Variants in SNX12 observed in about 807,000 individuals in gnomAD.
SNX12 encodes sorting nexin 12.
For synonymous variants in SNX12, 47 were observed against 56.0 expected (o/e 0.84, Z 0.71); for missense variants, 62 against 141.3 (o/e 0.44, Z 2.84).
At chrX:71,068,080 T>G in intron 1 of SNX12, 62 bp downstream of exon 1, 92 of 626,682 alleles carry the variant, frequency 1.5e-4, no homozygotes, top group Non-Finnish European at 1.8e-4. Flanking sequence ...GTAGCCTCCC[T>G]CCCCCCTCCC....
intron 1 of SNX12, 91 bp downstream of exon 1, chrX:71,068,051 G>A (rs1365788889): frequency 3.8e-6 from 3 of 788,997 alleles, no homozygotes; most frequent in Non-Finnish European, 5.2e-6. Flanking sequence ...CGTCTTCCCC[G>A]CCGTTAGTTG....
At chrX:71,070,995 T>C (rs1204921850), upstream of SNX12, among the ~76,000 whole-genome samples, 1 of 111,304 alleles carries the variant, frequency 9.0e-6, no homozygotes, top group African/African-American at 3.3e-5. Flanking sequence ...TCCAATAATT[T>C]ATCCTCAGAA....
chrX:71,071,525 AT>A (rs1387380535), upstream of SNX12, among the ~76,000 whole-genome samples: 45 of 44,160 alleles, frequency 1.0e-3, no homozygotes, highest in Non-Finnish European at 1.6e-3. Context: ...ATTTATATAT[AT>A]ATTTATATTT....
At chrX:71,071,594 T>A (rs866935928), upstream of SNX12, among the ~76,000 whole-genome samples, 2 of 55,446 alleles carry the variant, frequency 3.6e-5, no homozygotes, top group African/African-American at 2.1e-4. Context: ...ATATATAATA[T>A]TTATATATAT....
Position 71,060,884 on chromosome X carries a change from G to A in SNX12, c.*132C>T. The A allele has an allele frequency of 2.2e-6, 1 of 452,841 alleles. No individual in the cohort carries two copies. The highest frequency in any genetic ancestry group is 3.9e-6 in the Non-Finnish European group (1 of 253,690). The allele number at this position is 452,841 out of a possible 1,213,427, so 37.3% of individuals were successfully genotyped here. A position where few individuals can be genotyped will look rare whatever the true frequency, so the allele number is the denominator to read the frequency against. ...CCACATGGTGTAGTCAGGTACCAGG[G>A]AGCACAATGCCAGACAGTCTATCAG... On this transcript the variant is annotated 3_prime_UTR_variant, in exon 4 of 4. Coordinates refer to ENST00000374274, the MANE Select transcript of SNX12 (RefSeq NM_013346.4).
At chrX:71,072,906 T>TACACACACACACAC (rs59544159), upstream of SNX12, among the ~76,000 whole-genome samples, 5 of 101,444 alleles carry the variant, frequency 4.9e-5, no homozygotes, top group African/African-American at 1.8e-4. Flanking sequence ...CTGGCTTCCA[T>TACACACACACACAC]ACACACACAC....
chrX:71,063,978 T>C (rs1235462534), intron 1 of SNX12, among the ~76,000 whole-genome samples: 2 of 111,383 alleles, frequency 1.8e-5, no homozygotes, highest in Admixed American at 9.6e-5. Context: ...ATATATAGCT[T>C]GCCTCTATTT....
upstream of SNX12, among the ~76,000 whole-genome samples, chrX:71,068,791 C>G (rs2092164803): frequency 8.9e-6 from 1 of 112,121 alleles, no homozygotes; most frequent in African/African-American, 3.2e-5. Flanking sequence ...GGGTGGGGTT[C>G]CAACAATAGT....
At chrX:71,061,491 G>C (rs1238727511) in intron 3 of SNX12, among the ~76,000 whole-genome samples, 1 of 112,214 alleles carries the variant, frequency 8.9e-6, no homozygotes, top group African/African-American at 3.2e-5. Flanking sequence ...CCAACACTTT[G>C]GGAGGCCAAG....
rs1344468611 is a variant in SNX12, at chrX:71,068,172, C to A, written c.135G>T (p.Ala45=). 5 of 1,208,389 alleles carry A rather than the reference C, an allele frequency of 4.1e-6. No individual in the cohort carries two copies. The highest frequency in any genetic ancestry group is 5.6e-6 in the Non-Finnish European group (5 of 894,248). Residue 45 remains alanine (A), a synonymous_variant, in exon 1 of 4, where the codon GCG becomes GCT. Coordinates refer to ENST00000374274, the MANE Select transcript of SNX12 (RefSeq NM_013346.4). ...TGCGAACCTCATAGGTGGTGAAGCG[C>A]GCGCGTCCCACGCCCACCGTCTGAG... ...FNPQTVGVGR[A]RFTTYEVRMR...
chrX:71,066,376 G>A (rs904941359), intron 1 of SNX12, among the ~76,000 whole-genome samples: 5 of 110,975 alleles, frequency 4.5e-5, no homozygotes, highest in East Asian at 2.8e-4. Flanking sequence ...GATCACTTGC[G>A]GTCAGCAGTT....
In SNX12 at chrX:71,060,945, A is replaced by T; in HGVS notation, c.*71T>A. 1.2e-6 allele frequency: 1 copy of T among 829,221 alleles called. No homozygotes were observed. Among genetic ancestry groups the T allele is most frequent in the Non-Finnish European group, 1.8e-6 (1 of 563,623 alleles). The allele number at this position is 829,221 out of a possible 1,213,427, so 68.3% of individuals were successfully genotyped here. On this transcript the variant is annotated 3_prime_UTR_variant, in exon 4 of 4. Transcript: ENST00000374274. ...GGGCAGCCAACTTCAGATCAAAGAC[A>T]GAGAGAGGCTTAGTGTAAAAACCAA... is the stretch of plus-strand genomic sequence containing the variant.
At chrX:71,062,368 CTTTTTT>C (rs761195647) in intron 2 of SNX12, among the ~76,000 whole-genome samples, 217 of 71,368 alleles carry the variant, frequency 3.0e-3, no homozygotes, top group African/African-American at 0.013. Flanking sequence ...TTACCACTTT[CTTTTTT>C]TTTTTTTTTT....
intron 1 of SNX12, among the ~76,000 whole-genome samples, chrX:71,063,254 T>C (rs1005661041): frequency 4.5e-5 from 5 of 111,586 alleles, no homozygotes; most frequent in Admixed American, 9.6e-5. Flanking sequence ...CCCAGCACTT[T>C]TGGAGGCCAA....
At position 71,062,909 on chromosome X, in the gene SNX12, C is replaced by T. The variant is rs2147695624; in HGVS notation, c.206G>A (p.Arg69Gln). ...PIFKLKESCV[R>Q]RRYSDFEWLK... ...CCACTCAAAGTCACTGTAGCGCCGC[C>T]GTACGCAGGACTCCTTTAGCTTGAA... The change falls in exon 2 of 4, where the codon CGG (arginine) becomes CAG (glutamine). Residue 69 changes from arginine (R) to glutamine (Q), a missense_variant. Transcript: ENST00000374274. 8.3e-7 allele frequency: 1 copy of T among 1,207,549 alleles called. No homozygotes were observed. Among genetic ancestry groups the T allele is most frequent in the South Asian group, 1.8e-5 (1 of 56,809 alleles).
chrX:71,062,368 CT>C lies in SNX12; in HGVS notation c.262-402del, dbSNP rs761195647. On this transcript the variant is annotated intron_variant, in intron 2 of 3. Transcript: ENST00000374274. ...AAACTTGTCCTGAACTTACCACTTT[CT>C]TTTTTTTTTTTTTTTTTTTTTGAGA... is the stretch of plus-strand genomic sequence containing the variant. Among the ~76,000 whole-genome samples, 57 of 71,361 alleles carry C rather than the reference CT, an allele frequency of 8.0e-4. 1 individual carries two copies. Among genetic ancestry groups the C allele is most frequent in the East Asian group, 2.1e-3 (5 of 2,384 alleles). 62.0% of individuals were successfully genotyped at this position (71,361 alleles called of 115,157 possible). A position where few individuals can be genotyped will look rare whatever the true frequency, so the allele number is the denominator to read the frequency against.
At chrX:71,068,379 C>A (rs2092162989), upstream of SNX12, 1 of 927,148 alleles carries the variant, frequency 1.1e-6, no homozygotes. Context: ...CGCGCACGGC[C>A]CCTCCCGCTT....
chrX:71,072,204 T>G (rs1024972825), upstream of SNX12, among the ~76,000 whole-genome samples: 2 of 104,239 alleles, frequency 1.9e-5, no homozygotes, highest in African/African-American at 7.1e-5. Flanking sequence ...GTTGCAGTGA[T>G]CCGAGATCGA....
chrX:71,071,604 T>TTA (rs750118328), upstream of SNX12, among the ~76,000 whole-genome samples: 125 of 32,061 alleles, frequency 3.9e-3, 1 homozygote, highest in African/African-American at 0.02. Flanking sequence ...TTTATATATA[T>TTA]TATATATAAA....
Sources: allele counts gnomAD v4.1 joint callset (sites outside exome capture counted in the v4.1 genomes callset), GRCh38; gene constraint gnomAD v4.1.1; transcripts MANE v1.5; gene names NCBI Gene and HGNC (gene_info 2026-07-23, HGNC 2026-07-21).